The following EBF1 variants were observed in gnomAD, a reference collection of about 807,000 sequenced individuals.
EBF1 encodes the protein EBF transcription factor 1.
A neutral mutation model predicts 68.4 loss-of-function variants in EBF1; 10 were observed. The ratio of observed to expected loss-of-function variants is 0.15; its 90% confidence interval spans 0.09 to 0.25. The LOEUF is 0.25. EBF1 is among the 10% of genes least tolerant of loss of function. The pLI is 1.00. For synonymous variants in EBF1, 298 were observed against 299.8 expected (o/e 0.99, Z 0.06); for missense variants, 509 against 794.4 (o/e 0.64, Z 4.32).
chr5:158,843,442 A>G (rs927908897), intron 6 of EBF1, among the ~76,000 whole-genome samples: 2 of 152,240 alleles, frequency 1.3e-5, no homozygotes, highest in African/African-American at 4.8e-5. Flanking sequence ...TCAGCAGCCC[A>G]TCGTTAGCAC....
chr5:158,911,624 T>C (rs7443299), intron 6 of EBF1, among the ~76,000 whole-genome samples: 6 of 147,000 alleles, frequency 4.1e-5, no homozygotes. Flanking sequence ...CAGCATACAG[T>C]AGGAACAAAT....
intron 6 of EBF1, among the ~76,000 whole-genome samples, chr5:159,051,667 T>G (rs2127821462): frequency 6.6e-6 from 1 of 151,754 alleles, no homozygotes; most frequent in Admixed American, 6.6e-5. Context: ...CTGTAAGAAG[T>G]AATTCATGAG....
chr5:158,809,535 A>T (rs914655438), intron 8 of EBF1, among the ~76,000 whole-genome samples: 1 of 152,088 alleles, frequency 6.6e-6, no homozygotes, highest in African/African-American at 2.4e-5. Flanking sequence ...GAATATTACT[A>T]CTCTATTTCC....
At chr5:158,888,114 C>T (rs143545970) in intron 6 of EBF1, among the ~76,000 whole-genome samples, 37 of 152,238 alleles carry the variant, frequency 2.4e-4, no homozygotes, top group African/African-American at 7.9e-4. Flanking sequence ...CAAAACCTTA[C>T]AAATTATTTA....
chr5:158,817,893 C>A (rs186076495), intron 8 of EBF1, among the ~76,000 whole-genome samples: 1 of 152,232 alleles, frequency 6.6e-6, no homozygotes. Flanking sequence ...TCAAGTCCAC[C>A]TTATTGACAC....
rs1237348282 is a variant in EBF1, at chr5:158,696,508, G to T, written c.*2603C>A. The T allele has an allele frequency of 4.5e-6, 1 of 224,374 alleles. No homozygotes were observed. Among genetic ancestry groups the T allele is most frequent in the African/African-American group, 2.2e-5 (1 of 44,698 alleles). 13.9% of individuals were successfully genotyped at this position (224,374 alleles called of 1,614,324 possible). ...GTTCATTCCTTCAGAAACAGTTAAGGGGCTCACCAGATAAAATATGGCTTT... is the reference window on the plus strand; with the variant it reads ...GTTCATTCCTTCAGAAACAGTTAAGTGGCTCACCAGATAAAATATGGCTTT... On this transcript the variant is annotated 3_prime_UTR_variant, in exon 16 of 16. Coordinates refer to ENST00000313708, the MANE Select transcript of EBF1 (RefSeq NM_024007.5).
chr5:158,713,360 C>T (rs1759888331), intron 12 of EBF1, among the ~76,000 whole-genome samples: 1 of 152,088 alleles, frequency 6.6e-6, no homozygotes, highest in Non-Finnish European at 1.5e-5. Flanking sequence ...AAAACCTCAC[C>T]GAAGTACACT....
At chr5:158,901,495 C>T (rs1053823633) in intron 6 of EBF1, among the ~76,000 whole-genome samples, 4 of 152,216 alleles carry the variant, frequency 2.6e-5, no homozygotes, top group African/African-American at 4.8e-5. Flanking sequence ...TTCATTCCCT[C>T]ATTCAATCAT....
At position 158,852,419 on chromosome 5, in the gene EBF1, A is replaced by C. The variant is rs1012523398; in HGVS notation, c.555-12309T>G. On this transcript the variant is annotated intron_variant, in intron 6 of 15. Transcript: ENST00000313708. ...GCCTCACACATCATTGGGGATAATG[A>C]ATTTAATTTGAGCAATGGATTTCAT... Among the ~76,000 whole-genome samples the C allele has an allele frequency of 3.7e-4, 57 of 152,214 alleles. 1 individual carries two copies. The highest frequency in any genetic ancestry group is 1.3e-3 in the African/African-American group (53 of 41,508).
intron 6 of EBF1, among the ~76,000 whole-genome samples, chr5:158,979,453 A>G (rs937351313): frequency 6.6e-6 from 1 of 152,194 alleles, no homozygotes; most frequent in African/African-American, 2.4e-5. Context: ...AATATTAATG[A>G]GCCAGGATGG....
In EBF1 at chr5:158,698,670, T is replaced by C. The variant is rs1756140185; in HGVS notation, c.*441A>G. ...TTTTTTTTTCCTTTTTTTCTTTTTTTTTTTTTTTACTTTTTTGTAAATATC... is the reference window on the plus strand; with the variant it reads ...TTTTTTTTTCCTTTTTTTCTTTTTTCTTTTTTTTACTTTTTTGTAAATATC... On this transcript the variant is annotated 3_prime_UTR_variant, in exon 16 of 16. Transcript: ENST00000313708. 4.7e-6 allele frequency: 1 copy of C among 211,242 alleles called. No individual in the cohort carries two copies. The highest frequency in any genetic ancestry group is 9.6e-6 in the Non-Finnish European group (1 of 104,506). The allele number at this position is 211,242 out of a possible 1,614,324, so 13.1% of individuals were successfully genotyped here. A position where few individuals can be genotyped will look rare whatever the true frequency, so the allele number is the denominator to read the frequency against.
At chr5:158,883,385 T>TACAC (rs1235152727) in intron 6 of EBF1, among the ~76,000 whole-genome samples, 1 of 144,092 alleles carries the variant, frequency 6.9e-6, no homozygotes, top group African/African-American at 2.6e-5. Context: ...TGTATATATA[T>TACAC]ACATACATAC....
chr5:158,898,824 C>T (rs533643820), intron 6 of EBF1, among the ~76,000 whole-genome samples: 2 of 152,202 alleles, frequency 1.3e-5, no homozygotes, highest in Non-Finnish European at 2.9e-5. Flanking sequence ...ATCCACGTTA[C>T]AGGGCAGTGA....
At chr5:158,980,586 C>G (rs1331646601) in intron 6 of EBF1, among the ~76,000 whole-genome samples, 1 of 152,124 alleles carries the variant, frequency 6.6e-6, no homozygotes. Context: ...AAATATCAAC[C>G]CCCCGCAAGC....
intron 10 of EBF1, among the ~76,000 whole-genome samples, chr5:158,745,513 C>G (rs1333052281): frequency 6.6e-6 from 1 of 152,130 alleles, no homozygotes; most frequent in African/African-American, 2.4e-5. Flanking sequence ...TGTATCTTTA[C>G]CAAGTCTCCA....
At chr5:159,077,139 A>G (rs1254165617) in intron 5 of EBF1, among the ~76,000 whole-genome samples, 1 of 152,258 alleles carries the variant, frequency 6.6e-6, no homozygotes, top group African/African-American at 2.4e-5. Flanking sequence ...CAACGGCTTT[A>G]GAAATGCCTT....
intron 6 of EBF1, among the ~76,000 whole-genome samples, chr5:158,991,284 A>G (rs1760273798): frequency 6.6e-6 from 1 of 152,236 alleles, no homozygotes. Flanking sequence ...ATGACATCAT[A>G]GGCCATTGTT....
chr5:158,820,944 G>C (rs1409006104), intron 8 of EBF1, among the ~76,000 whole-genome samples: 2 of 152,130 alleles, frequency 1.3e-5, no homozygotes, highest in African/African-American at 4.8e-5. Flanking sequence ...TCCCTTCAGT[G>C]TCCAAAAATT....
chr5:158,756,289 T>C (rs11959219), intron 10 of EBF1, among the ~76,000 whole-genome samples: 2,356 of 152,042 alleles, frequency 0.015, 65 homozygotes, highest in African/African-American at 0.054. Flanking sequence ...GTTTATGAGA[T>C]AGACTATAGC....
Sources: gnomAD v4.1 joint callset for allele counts (sites outside exome capture counted in the v4.1 genomes callset) on GRCh38, gnomAD v4.1.1 for gene constraint, MANE v1.5 for transcripts, NCBI Gene and HGNC (gene_info 2026-07-23, HGNC 2026-07-21) for gene names.